The following MYO1H variants were observed in gnomAD, a reference collection of about 807,000 sequenced individuals.
MYO1H encodes the protein unconventional myosin-Ih.
MYO1H carries 118 observed loss-of-function variants against 149.3 expected under a neutral mutation model. The observed-to-expected ratio is 0.79, with a 90% confidence interval of 0.68 to 0.92. The LOEUF is 0.92. MYO1H is among the 40% of genes least tolerant of loss of function. The probability of loss-of-function intolerance (pLI) is 0.00; values close to 1 mark genes in which losing one functional copy is unlikely to be tolerated. For synonymous variants in MYO1H, 447 were observed against 465.2 expected (o/e 0.96, Z 0.50); for missense variants, 1,212 against 1,280.7 (o/e 0.95, Z 0.82).
In MYO1H at chr12:109,364,852, C is replaced by T. The variant is rs557201239; in HGVS notation, c.12+16880C>T. Among the ~76,000 whole-genome samples the T allele has an allele frequency of 6.6e-5, 10 of 152,272 alleles. No individual in the cohort carries two copies. In the East Asian group the frequency reaches 1.9e-3, roughly 29 times the overall value. The stretch of plus-strand genomic sequence containing the variant: ...CCAGTGTGTTTGGGTTATAATTTCA[C>T]TTCAACCTTGTCAGAATTAATACAC... On this transcript the variant is annotated intron_variant, in intron 1 of 31. Coordinates refer to ENST00000310903, the Ensembl canonical transcript of MYO1H.
intron 1 of MYO1H, among the ~76,000 whole-genome samples, chr12:109,372,381 G>T (rs995962702): frequency 6.6e-6 from 1 of 152,024 alleles, no homozygotes; most frequent in African/African-American, 2.4e-5. Flanking sequence ...AAATTAGGTT[G>T]ATAAATGTAT....
chr12:109,354,664 C>T (rs1191766061), intron 1 of MYO1H, among the ~76,000 whole-genome samples: 3 of 151,240 alleles, frequency 2.0e-5, no homozygotes, highest in African/African-American at 2.4e-5. Context: ...GCCTGCAATT[C>T]CCGGGTTACC....
intron 15 of MYO1H, among the ~76,000 whole-genome samples, chr12:109,419,650 C>A (rs1871085849): frequency 6.6e-6 from 1 of 152,056 alleles, no homozygotes; most frequent in Non-Finnish European, 1.5e-5. Flanking sequence ...TGGGCTCAAG[C>A]AATCCTCCTA....
At chr12:109,395,792 G>T (rs1248012235) in intron 3 of MYO1H, among the ~76,000 whole-genome samples, 1 of 151,520 alleles carries the variant, frequency 6.6e-6, no homozygotes, top group Non-Finnish European at 1.5e-5. Context: ...TTTGAGTTTT[G>T]ATATCTAGTA....
chr12:109,364,379 G>A (rs1388113583), intron 1 of MYO1H, among the ~76,000 whole-genome samples: 1 of 151,968 alleles, frequency 6.6e-6, no homozygotes, highest in East Asian at 1.9e-4. Flanking sequence ...CCAGGACTGG[G>A]GTGTGGTGGC....
At chr12:109,339,973 C>T in the MYO1H span, among the ~76,000 whole-genome samples, 3 of 152,130 alleles carry the variant, frequency 2.0e-5, no homozygotes, top group Admixed American at 6.5e-5. Flanking sequence ...AACTCCATAT[C>T]CTACTGTTTT....
At chr12:109,435,380 G>A (rs968869430) in intron 21 of MYO1H, among the ~76,000 whole-genome samples, 7 of 152,182 alleles carry the variant, frequency 4.6e-5, no homozygotes, top group Non-Finnish European at 5.9e-5. Context: ...TCACTACTAG[G>A]GTGTAAAACC....
chr12:109,350,427 T>C (rs1403132186), intron 1 of MYO1H, among the ~76,000 whole-genome samples: 1 of 152,204 alleles, frequency 6.6e-6, no homozygotes, highest in Non-Finnish European at 1.5e-5. Context: ...TCATGAGATC[T>C]GATGGTCTTA....
chr12:109,395,804 AC>A (rs1869866943), intron 3 of MYO1H, among the ~76,000 whole-genome samples: 1 of 149,124 alleles, frequency 6.7e-6, no homozygotes, highest in Non-Finnish European at 1.5e-5. Context: ...TATCTAGTAC[AC>A]TCTATATTTG....
Position 109,443,421 on chromosome 12 carries a change from C to G in MYO1H, c.2689-93C>G. On this transcript the variant is annotated intron_variant, in intron 27 of 31. Coordinates refer to ENST00000310903, the Ensembl canonical transcript of MYO1H. ...ACACGCAAAATCTGTTTGAGCTTTT[C>G]TAAATGCTTGACATCACTTTACCGG... is the stretch of plus-strand genomic sequence containing the variant. The G allele has an allele frequency of 2.1e-6, 3 of 1,424,008 alleles. No homozygotes were observed. In the South Asian group the frequency reaches 3.9e-5, roughly 19 times the overall value. 88.2% of individuals were successfully genotyped at this position (1,424,008 alleles called of 1,614,324 possible).
At chr12:109,333,693 G>A in the MYO1H span, among the ~76,000 whole-genome samples, 2 of 152,094 alleles carry the variant, frequency 1.3e-5, no homozygotes, top group Admixed American at 6.6e-5. Context: ...TTACAATGAC[G>A]CAAAAGCAAT....
chr12:109,368,314 G>A (rs1454490520), intron 1 of MYO1H, among the ~76,000 whole-genome samples: 8 of 152,162 alleles, frequency 5.3e-5, no homozygotes, highest in Admixed American at 4.6e-4. Flanking sequence ...TAGATGTTTG[G>A]CAGATAATTG....
chr12:109,407,574 G>A (rs1425803005), intron 9 of MYO1H, among the ~76,000 whole-genome samples: 1 of 146,126 alleles, frequency 6.8e-6, no homozygotes, highest in Admixed American at 6.9e-5. Flanking sequence ...GACCAGCCTG[G>A]GCAACATGGC....
intron 31 of MYO1H, among the ~76,000 whole-genome samples, chr12:109,446,727 A>G (rs1024271627): frequency 6.6e-5 from 10 of 152,302 alleles, no homozygotes; most frequent in South Asian, 2.1e-4. Context: ...TCGCACCACT[A>G]CACTCCAGCC....
the MYO1H span, among the ~76,000 whole-genome samples, chr12:109,311,970 G>A: frequency 6.6e-6 from 1 of 152,244 alleles, no homozygotes; most frequent in Non-Finnish European, 1.5e-5. Context: ...GTTAAGCAGT[G>A]TAGTTATCTG....
At chr12:109,329,196 G>A in the MYO1H span, among the ~76,000 whole-genome samples, 1 of 152,072 alleles carries the variant, frequency 6.6e-6, no homozygotes, top group African/African-American at 2.4e-5. Flanking sequence ...GTATGCCCTA[G>A]ATTGAAAAAC....
the MYO1H span, among the ~76,000 whole-genome samples, chr12:109,312,116 G>T: frequency 6.6e-6 from 1 of 152,206 alleles, no homozygotes; most frequent in Non-Finnish European, 1.5e-5. Context: ...CATGCAATGT[G>T]TAGAAACAGT....
exon 30 of MYO1H, chr12:109,444,442 T>C: frequency 6.2e-7 from 1 of 1,613,766 alleles, no homozygotes; most frequent in Non-Finnish European, 8.5e-7. Flanking sequence ...GGGGATGCCG[T>C]TTTGCAGTGT....
At chr12:109,365,936 C>T (rs866347314) in intron 1 of MYO1H, among the ~76,000 whole-genome samples, 11 of 152,248 alleles carry the variant, frequency 7.2e-5, no homozygotes, top group Non-Finnish European at 1.2e-4. Flanking sequence ...CTGTTAGATC[C>T]GTGGCAGCAT....
Sources: allele counts gnomAD v4.1 joint callset (sites outside exome capture counted in the v4.1 genomes callset), GRCh38; gene constraint gnomAD v4.1.1; transcripts MANE v1.5; gene names NCBI Gene and HGNC (gene_info 2026-07-23, HGNC 2026-07-21).